Variants in MPP7 observed in about 807,000 individuals in gnomAD.
MPP7 encodes the protein MAGUK p55 subfamily member 7.
Under a neutral mutation model 76.5 loss-of-function variants are expected in MPP7, and 60 were observed. The ratio of observed to expected loss-of-function variants is 0.78; its 90% confidence interval spans 0.64 to 0.97. The LOEUF (loss-of-function observed/expected upper bound fraction) is 0.97. Ranked by LOEUF, MPP7 falls within the 50% of genes least tolerant of loss-of-function variation. The pLI is 0.00. For synonymous variants in MPP7, 237 were observed against 244.5 expected, an observed-to-expected ratio of 0.97 and a Z score of 0.29; for missense variants, 641 against 694.0, an observed-to-expected ratio of 0.92 and a Z score of 0.86.
intron 2 of MPP7, among the ~76,000 whole-genome samples, chr10:28,317,386 C>T (rs1324572050): frequency 6.6e-6 from 1 of 151,952 alleles, no homozygotes; most frequent in Non-Finnish European, 1.5e-5. Flanking sequence ...AAATAAATAG[C>T]CGGGTGTGGT....
intron 2 of MPP7, among the ~76,000 whole-genome samples, chr10:28,318,680 C>T (rs1052833920): frequency 1.4e-4 from 21 of 152,078 alleles, no homozygotes; most frequent in African/African-American, 5.1e-4. Context: ...AGTGACACTC[C>T]ATATCAAAAA....
intron 1 of MPP7, among the ~76,000 whole-genome samples, chr10:28,282,452 G>A (rs1279525509): frequency 1.3e-5 from 2 of 151,924 alleles, no homozygotes; most frequent in Admixed American, 6.6e-5. Context: ...TAGCCACTGA[G>A]CAACTGCAAA....
chr10:28,140,583 T>C (rs1477371172), intron 5 of MPP7, among the ~76,000 whole-genome samples: 2 of 152,212 alleles, frequency 1.3e-5, no homozygotes, highest in Non-Finnish European at 2.9e-5. Flanking sequence ...ATTACTCATT[T>C]CTGGTATGCA....
At chr10:28,290,241 C>T (rs970639875) in intron 1 of MPP7, among the ~76,000 whole-genome samples, 8 of 151,100 alleles carry the variant, frequency 5.3e-5, no homozygotes, top group African/African-American at 1.9e-4. Flanking sequence ...GCCCTATATC[C>T]TTTACTAAGT....
chr10:28,243,267 A>G (rs916496870), intron 1 of MPP7, among the ~76,000 whole-genome samples: 4 of 152,176 alleles, frequency 2.6e-5, no homozygotes, highest in African/African-American at 7.2e-5. Context: ...TGCATCCACT[A>G]GAGGCTCATT....
At chr10:28,316,818 C>T (rs1278821361) in intron 2 of MPP7, among the ~76,000 whole-genome samples, 2 of 152,266 alleles carry the variant, frequency 1.3e-5, no homozygotes, top group South Asian at 4.1e-4. Flanking sequence ...GTACGGCGCT[C>T]GCTGCCTTTA....
chr10:28,223,159 C>G (rs1315958857), intron 2 of MPP7, among the ~76,000 whole-genome samples: 5 of 151,638 alleles, frequency 3.3e-5, no homozygotes, highest in African/African-American at 9.7e-5. Flanking sequence ...CCCAATATAA[C>G]TATTCAAATG....
chr10:28,054,160 C>G lies in MPP7; in HGVS notation c.1636G>C (p.Asp546His). 6.2e-7 allele frequency: 1 copy of G among 1,608,750 alleles called. No individual in the cohort carries two copies. The highest frequency in any genetic ancestry group is 8.5e-7 in the Non-Finnish European group (1 of 1,176,006). Reference protein sequence around the residue: ...GHLFDKIIINDDLTVAFNELK... With the variant: ...GHLFDKIIINHDLTVAFNELK... ...TCATTGAATGCCACAGTGAGGTCATCATTTATTATAATTTTGTCAAAAAGA... is the reference window on the plus strand; with the variant it reads ...TCATTGAATGCCACAGTGAGGTCATGATTTATTATAATTTTGTCAAAAAGA... The change falls in exon 17 of 17, where the codon GAT becomes CAT. Residue 546 changes from aspartate to histidine, a missense_variant. By Grantham distance (81) the Asp-to-His change is moderately conservative (BLOSUM62 -1). Coordinates refer to ENST00000683449, the MANE Select transcript of MPP7 (RefSeq NM_001318170.2).
At chr10:28,117,616 C>T (rs1834701228) in intron 11 of MPP7, among the ~76,000 whole-genome samples, 1 of 152,010 alleles carries the variant, frequency 6.6e-6, no homozygotes, top group Non-Finnish European at 1.5e-5. Context: ...GAATCATCAT[C>T]AAAACATAGG....
rs549789119 is a variant in MPP7, at chr10:28,098,971, A to T, written c.953-9130T>A. The stretch of plus-strand genomic sequence containing the variant: ...TACAACCAAACTAATAAAATGGATA[A>T]AAATCCTTTCTAAAATAACAAATTA... On this transcript the variant is annotated intron_variant, in intron 11 of 16. Coordinates refer to ENST00000683449, the MANE Select transcript of MPP7 (RefSeq NM_001318170.2). Among the ~76,000 whole-genome samples the T allele has an allele frequency of 2.6e-5, 4 of 152,320 alleles. No homozygotes were observed. In the South Asian group the frequency reaches 8.3e-4, roughly 32 times the overall value.
At chr10:28,281,069 TTTC>T (rs149070706) in intron 1 of MPP7, among the ~76,000 whole-genome samples, 14,834 of 151,758 alleles carry the variant, frequency 0.098, 913 homozygotes, top group South Asian at 0.16. Context: ...TAAATGGTCA[TTTC>T]TTCTTTTTTT....
At chr10:28,228,732 G>T (rs1488922331) in intron 2 of MPP7, among the ~76,000 whole-genome samples, 2 of 152,008 alleles carry the variant, frequency 1.3e-5, no homozygotes, top group African/African-American at 4.8e-5. Flanking sequence ...CTGCACTCCA[G>T]CCTGGGTGAC....
At chr10:28,094,445 T>C (rs1256221787) in intron 11 of MPP7, among the ~76,000 whole-genome samples, 1 of 152,160 alleles carries the variant, frequency 6.6e-6, no homozygotes, top group African/African-American at 2.4e-5. Flanking sequence ...ATTATAGTAG[T>C]AGCTGCCTCA....
chr10:28,319,619 T>C (rs987098582), intron 2 of MPP7, among the ~76,000 whole-genome samples: 3 of 152,154 alleles, frequency 2.0e-5, no homozygotes, highest in African/African-American at 7.2e-5. Context: ...TTGGCTACAG[T>C]TCAGTAAATT....
At chr10:28,292,335 CT>C (rs1252164272) in intron 1 of MPP7, among the ~76,000 whole-genome samples, 1 of 152,098 alleles carries the variant, frequency 6.6e-6, no homozygotes, top group Admixed American at 6.5e-5. Flanking sequence ...TAGGATTCCC[CT>C]ACACCAGGGG....
At chr10:28,187,299 G>C (rs1024738807) in intron 3 of MPP7, among the ~76,000 whole-genome samples, 1 of 152,122 alleles carries the variant, frequency 6.6e-6, no homozygotes, top group African/African-American at 2.4e-5. Context: ...AATTACAAAG[G>C]CAACAATTTA....
At chr10:28,307,852 G>A (rs1841267718), upstream of MPP7, among the ~76,000 whole-genome samples, 1 of 152,098 alleles carries the variant, frequency 6.6e-6, no homozygotes, top group Non-Finnish European at 1.5e-5. Flanking sequence ...CAAAAAGAAG[G>A]GGGAAGAGTC....
rs531042597 is a variant in MPP7 at position 28,191,271 on chromosome 10, T to C, written c.156+10882A>G. ...GAAAAGGAAAATAGCAAGCAGAGTA[T>C]ACTTCCTACCTCATTCTACGAGGCC... is the stretch of plus-strand genomic sequence containing the variant. On this transcript the variant is annotated intron_variant, in intron 3 of 16. Transcript: ENST00000683449. Among the ~76,000 whole-genome samples the C allele has an allele frequency of 3.3e-5, 5 of 152,264 alleles. No homozygotes were observed. The South Asian group carries it at 1.0e-3, about 32-fold the overall frequency.
intron 12 of MPP7, 113 bp from the exon 13 acceptor site, chr10:28,069,965 TAAGTA>T (rs769283011): frequency 2.3e-5 from 16 of 693,830 alleles, no homozygotes; most frequent in South Asian, 5.5e-5. Flanking sequence ...CTTTGCATCC[TAAGTA>T]AAGAGATTAT....
Sources: allele counts gnomAD v4.1 joint callset (sites outside exome capture counted in the v4.1 genomes callset), GRCh38; gene constraint gnomAD v4.1.1; transcripts MANE v1.5; gene names NCBI Gene and HGNC (gene_info 2026-07-23, HGNC 2026-07-21).